The following PIGL variants were observed in gnomAD, a reference collection of about 807,000 sequenced individuals.
PIGL encodes the protein phosphatidylinositol glycan anchor biosynthesis class L, also known as N-acetylglucosaminyl-phosphatidylinositol de-N-acetylase.
A neutral mutation model predicts 31.1 loss-of-function variants in PIGL; 22 were observed. The ratio of observed to expected loss-of-function variants is 0.71; its 90% CI spans 0.51 to 1.01. The LOEUF is 1.01. Among genes scored for constraint, PIGL ranks in the 50% least tolerant of loss-of-function variants. The pLI, the probability that PIGL is intolerant of heterozygous loss-of-function variation, is 0.00. For missense variants in PIGL, 302 were observed against 315.9 expected (o/e 0.96, Z 0.33); for synonymous variants, 131 against 117.4 (o/e 1.12, Z -0.75).
chr17:16,318,703 C>T (rs961134838), intron 6 of PIGL, among the ~76,000 whole-genome samples: 2 of 151,344 alleles, frequency 1.3e-5, no homozygotes, highest in East Asian at 2.0e-4. Context: ...GAGGCTGAGG[C>T]GGGCAGATCA....
chr17:16,232,766 C>T (rs1181316163), intron 1 of PIGL, among the ~76,000 whole-genome samples: 3 of 111,298 alleles, frequency 2.7e-5, no homozygotes, highest in Non-Finnish European at 6.2e-5. Context: ...TAGTTTATGA[C>T]TTAAAAAAAA....
chr17:16,230,629 T>A (rs1015062705), intron 1 of PIGL, among the ~76,000 whole-genome samples: 2 of 152,020 alleles, frequency 1.3e-5, no homozygotes, highest in African/African-American at 4.8e-5. Flanking sequence ...TCACTTTTTT[T>A]TTTTTTTGAG....
chr17:16,299,930 C>A lies in PIGL; in HGVS notation c.378C>A (p.His126Gln). The change falls in exon 3 of 7, where the codon CAC becomes CAA. Residue 126 changes from histidine (H) to glutamine (Q), a missense_variant. Transcript: ENST00000225609. Reference protein sequence around the residue: ...DDPGMQWDTEHVARVLLQHIE... With the variant: ...DDPGMQWDTEQVARVLLQHIE... ...CAGGCATGCAGTGGGACACAGAGCA[C>A]GTGGCCAGAGTCCTCCTTCAGCACA... is the stretch of plus-strand genomic sequence containing the variant. The A allele has an allele frequency of 6.2e-7, 1 of 1,614,058 alleles. No homozygotes were observed. Among genetic ancestry groups the A allele is most frequent in the Non-Finnish European group, 8.5e-7 (1 of 1,179,936 alleles).
chr17:16,317,676 G>A (rs2032076564), intron 5 of PIGL, 99 bp from the exon 6 acceptor site: 3 of 1,575,842 alleles, frequency 1.9e-6, no homozygotes, highest in Non-Finnish European at 2.6e-6. Flanking sequence ...CCACTGTCCT[G>A]CCCTGCCCTG....
chr17:16,224,231 A>G (rs1473135167), intron 1 of PIGL, among the ~76,000 whole-genome samples: 1 of 152,116 alleles, frequency 6.6e-6, no homozygotes, highest in Admixed American at 6.6e-5. Flanking sequence ...CAGGGGGAAA[A>G]GAAAGCTACA....
At chr17:16,314,080 T>G (rs2093066069) in intron 4 of PIGL, among the ~76,000 whole-genome samples, 2 of 152,238 alleles carry the variant, frequency 1.3e-5, no homozygotes, top group Non-Finnish European at 2.9e-5. Flanking sequence ...AGGATATACA[T>G]ACATAATATG....
At chr17:16,258,149 GAGA>G (rs2092804575) in intron 2 of PIGL, among the ~76,000 whole-genome samples, 1 of 148,448 alleles carries the variant, frequency 6.7e-6, no homozygotes, top group Admixed American at 6.8e-5. Context: ...AAGAGAGAGA[GAGA>G]GAGAGAAAAC....
intron 2 of PIGL, among the ~76,000 whole-genome samples, chr17:16,266,744 C>T (rs1020949509): frequency 4.6e-4 from 70 of 151,884 alleles, no homozygotes; most frequent in Non-Finnish European, 1.6e-4. Flanking sequence ...TACAGGCGCC[C>T]GCCACCATGC....
chr17:16,218,380 A>G (rs1031391364), intron 1 of PIGL, among the ~76,000 whole-genome samples: 5 of 152,178 alleles, frequency 3.3e-5, no homozygotes, highest in African/African-American at 1.2e-4. Context: ...GCCTTATTCT[A>G]TGCCCTAGGG....
intron 2 of PIGL, among the ~76,000 whole-genome samples, chr17:16,237,964 G>A (rs1048096685): frequency 6.6e-5 from 10 of 151,854 alleles, no homozygotes; most frequent in South Asian, 2.1e-4. Flanking sequence ...TGGGGAGGCC[G>A]AGGTGGGTGG....
intron 2 of PIGL, among the ~76,000 whole-genome samples, chr17:16,234,994 A>G (rs1600754983): frequency 1.3e-5 from 2 of 152,304 alleles, no homozygotes; most frequent in South Asian, 2.1e-4. Flanking sequence ...AGACTTTACT[A>G]TACAGTGCTT....
At chr17:16,280,727 A>G (rs2092913313) in intron 2 of PIGL, among the ~76,000 whole-genome samples, 1 of 151,942 alleles carries the variant, frequency 6.6e-6, no homozygotes, top group Admixed American at 6.6e-5. Flanking sequence ...TTTGTTTGAG[A>G]TAGAGTCTCG....
intron 1 of PIGL, among the ~76,000 whole-genome samples, chr17:16,222,474 G>A (rs189337548): frequency 6.6e-6 from 1 of 152,184 alleles, no homozygotes; most frequent in African/African-American, 2.4e-5. Context: ...ACTCTGTGAG[G>A]TAGGTACTAT....
At chr17:16,258,995 C>T (rs960634525) in intron 2 of PIGL, among the ~76,000 whole-genome samples, 1 of 152,130 alleles carries the variant, frequency 6.6e-6, no homozygotes, top group African/African-American at 2.4e-5. Flanking sequence ...CCCCATAACA[C>T]CAAGTTCCAA....
At chr17:16,265,026 T>A (rs2092836484) in intron 2 of PIGL, among the ~76,000 whole-genome samples, 1 of 152,220 alleles carries the variant, frequency 6.6e-6, no homozygotes, top group African/African-American at 2.4e-5. Flanking sequence ...ATTTATATAA[T>A]GCTTATAGTC....
At chr17:16,221,566 C>T (rs933546098) in intron 1 of PIGL, among the ~76,000 whole-genome samples, 3 of 152,032 alleles carry the variant, frequency 2.0e-5, no homozygotes, top group African/African-American at 7.3e-5. Flanking sequence ...TCTCCTGCCT[C>T]AGCCTCCCAA....
In PIGL at chr17:16,299,014, G is replaced by A. The variant is rs77642621; in HGVS notation, c.336-874G>A. On this transcript the variant is annotated intron_variant, in intron 2 of 6. Coordinates refer to ENST00000225609, the MANE Select transcript of PIGL (RefSeq NM_004278.4). ...TACATTCCAGCCTGGGTGACAGAGCGAGACTCTGACTCGGGAAAAATACAT... is the reference window on the plus strand; with the variant it reads ...TACATTCCAGCCTGGGTGACAGAGCAAGACTCTGACTCGGGAAAAATACAT... 8.0e-3 allele frequency among the ~76,000 whole-genome samples: 1,211 copies of A among 152,040 alleles called. 20 individuals are homozygous for A. Among genetic ancestry groups the A allele is most frequent in the African/African-American group, 0.028 (1,163 of 41,462 alleles).
chr17:16,235,723 G>A (rs2092696980), intron 2 of PIGL, among the ~76,000 whole-genome samples: 2 of 146,302 alleles, frequency 1.4e-5, no homozygotes, highest in South Asian at 4.4e-4. Flanking sequence ...AAAGTGCTGT[G>A]ATTATAGCCA....
At chr17:16,254,584 T>G (rs1056853849) in intron 2 of PIGL, among the ~76,000 whole-genome samples, 1 of 145,848 alleles carries the variant, frequency 6.9e-6, no homozygotes, top group Non-Finnish European at 1.5e-5. Flanking sequence ...TGAATTTTTT[T>G]GTTTGTTTGG....
Sources: allele counts gnomAD v4.1 joint callset (sites outside exome capture counted in the v4.1 genomes callset), GRCh38; gene constraint gnomAD v4.1.1; transcripts MANE v1.5; gene names NCBI Gene and HGNC (gene_info 2026-07-23, HGNC 2026-07-21).